Variants in ENTREP2 observed in about 807,000 individuals in gnomAD.
ENTREP2 encodes endosomal transmembrane epsin interactor 2.
chr15:29,418,074 A>C, the ENTREP2 span, among the ~76,000 whole-genome samples: 1 of 152,234 alleles, frequency 6.6e-6, no homozygotes, highest in Non-Finnish European at 1.5e-5. Context: ...TGTGTTTTAA[A>C]GACCCACTAT....
chr15:29,300,562 CA>C, the ENTREP2 span, among the ~76,000 whole-genome samples: 1 of 152,074 alleles, frequency 6.6e-6, no homozygotes, highest in Non-Finnish European at 1.5e-5. Flanking sequence ...GAACAATTAC[CA>C]AGATTTATTA....
the ENTREP2 span, among the ~76,000 whole-genome samples, chr15:29,386,653 G>C: frequency 6.6e-6 from 1 of 152,188 alleles, no homozygotes; most frequent in East Asian, 1.9e-4. Flanking sequence ...AATGGTATTT[G>C]GAGATGGGGC....
At chr15:29,510,838 C>G in the ENTREP2 span, among the ~76,000 whole-genome samples, 1 of 149,514 alleles carries the variant, frequency 6.7e-6, no homozygotes, top group Non-Finnish European at 1.5e-5. Flanking sequence ...GGCACATATA[C>G]ACCATGGAAT....
chr15:29,339,462 C>A, the ENTREP2 span, among the ~76,000 whole-genome samples: 2 of 152,190 alleles, frequency 1.3e-5, no homozygotes, highest in African/African-American at 4.8e-5. Flanking sequence ...TGTGCAGCTT[C>A]GGGATGTGGG....
At chr15:29,267,485 C>T in the ENTREP2 span, 1 of 152,138 alleles carries the variant, frequency 6.6e-6, no homozygotes, top group Non-Finnish European at 1.5e-5. Context: ...CCACAACCAC[C>T]ATGCTGACAA....
the ENTREP2 span, among the ~76,000 whole-genome samples, chr15:29,615,170 T>G: frequency 3.9e-4 from 60 of 152,034 alleles, 1 homozygote; most frequent in African/African-American, 1.4e-3. Context: ...TTTTTTTTTT[T>G]TTTGAGACGG....
At chr15:29,345,479 A>G in the ENTREP2 span, among the ~76,000 whole-genome samples, 1 of 152,044 alleles carries the variant, frequency 6.6e-6, no homozygotes, top group Non-Finnish European at 1.5e-5. Flanking sequence ...TTTCTGCACC[A>G]AGGCCCCTTC....
chr15:29,525,138 C>T, the ENTREP2 span, among the ~76,000 whole-genome samples: 1 of 152,188 alleles, frequency 6.6e-6, no homozygotes, highest in Non-Finnish European at 1.5e-5. Flanking sequence ...GGAAATCCAG[C>T]TAGTCCTGTC....
chr15:29,498,691 A>G, the ENTREP2 span, among the ~76,000 whole-genome samples: 7,269 of 152,160 alleles, frequency 0.048, 547 homozygotes, highest in African/African-American at 0.16. Context: ...AAAGTGTAAA[A>G]TCTAATGTTT....
the ENTREP2 span, among the ~76,000 whole-genome samples, chr15:29,225,456 T>C: frequency 6.6e-6 from 1 of 152,190 alleles, no homozygotes; most frequent in Admixed American, 6.5e-5. Context: ...TCTTGTTGCA[T>C]TTTGGTGGGG....
the ENTREP2 span, among the ~76,000 whole-genome samples, chr15:29,408,893 T>C: frequency 7.7e-4 from 118 of 152,330 alleles, 1 homozygote; most frequent in Non-Finnish European, 1.3e-3. Context: ...TTACAAACCA[T>C]GACATTTTAA....
At chr15:29,235,411 C>T in the ENTREP2 span, among the ~76,000 whole-genome samples, 1 of 152,054 alleles carries the variant, frequency 6.6e-6, no homozygotes, top group Non-Finnish European at 1.5e-5. Flanking sequence ...AAAGTCCTGG[C>T]CACACCTTAG....
chr15:29,230,448 A>G, the ENTREP2 span, among the ~76,000 whole-genome samples: 1 of 152,230 alleles, frequency 6.6e-6, no homozygotes, highest in East Asian at 1.9e-4. Flanking sequence ...ATAGTAAATG[A>G]AAATATTTAG....
chr15:29,371,009 G>A, the ENTREP2 span, among the ~76,000 whole-genome samples: 1 of 151,758 alleles, frequency 6.6e-6, no homozygotes, highest in East Asian at 1.9e-4. Context: ...ACTTATAAAT[G>A]TTAGCCATTA....
the ENTREP2 span, chr15:29,137,100 G>T: frequency 6.8e-7 from 1 of 1,467,458 alleles, no homozygotes; most frequent in Non-Finnish European, 9.0e-7. Context: ...CGGGAGTGGG[G>T]GGATGAACTC....
the ENTREP2 span, among the ~76,000 whole-genome samples, chr15:29,414,554 C>T: frequency 9.3e-5 from 14 of 150,786 alleles, no homozygotes; most frequent in African/African-American, 2.9e-4. Context: ...GCAGGAAAGA[C>T]CTAAAATTGA....
chr15:29,215,754 C>T, the ENTREP2 span, among the ~76,000 whole-genome samples: 1 of 151,916 alleles, frequency 6.6e-6, no homozygotes, highest in South Asian at 2.1e-4. Context: ...CGTGAAATGC[C>T]TTTTTCCACC....
the ENTREP2 span, among the ~76,000 whole-genome samples, chr15:29,531,339 G>A: frequency 6.6e-6 from 1 of 152,086 alleles, no homozygotes; most frequent in South Asian, 2.1e-4. Context: ...TTTCAAACTA[G>A]CCATCATCAT....
the ENTREP2 span, among the ~76,000 whole-genome samples, chr15:29,444,130 A>AAGAC: frequency 4.3e-5 from 5 of 117,230 alleles, no homozygotes; most frequent in Non-Finnish European, 5.4e-5. Context: ...GACAGAAAGA[A>AAGAC]AGACAGACAG....
Sources: gnomAD v4.1 joint callset for allele counts (sites outside exome capture counted in the v4.1 genomes callset) on GRCh38, gnomAD v4.1.1 for gene constraint, MANE v1.5 for transcripts, NCBI Gene and HGNC (gene_info 2026-07-23, HGNC 2026-07-21) for gene names.